Variants in ACAD9 observed in about 807,000 individuals in gnomAD.
ACAD9 encodes the protein acyl-CoA dehydrogenase family member 9.
A neutral mutation model predicts 70.2 loss-of-function variants in ACAD9; 53 were observed. The ratio of observed to expected loss-of-function variants is 0.75; its 90% CI spans 0.61 to 0.95. ACAD9 has a LOEUF of 0.95. Among genes scored for constraint, ACAD9 ranks in the 40% least tolerant of loss-of-function variants. ACAD9 has a pLI of 0.00. For missense variants in ACAD9, 777 were observed against 802.8 expected, an observed-to-expected ratio of 0.97 and a Z score of 0.39; for synonymous variants, 313 against 312.1, an observed-to-expected ratio of 1.00 and a Z score of -0.03.
In ACAD9 at chr3:128,899,284, C is replaced by T. The variant is rs187282664; in HGVS notation, c.634-3C>T. The T allele has an allele frequency of 1.2e-5, 20 of 1,614,150 alleles. No individual in the cohort carries two copies. In the East Asian group the frequency reaches 3.8e-4, roughly 31 times the overall value. On this transcript the variant is annotated splice_region_variant and splice_polypyrimidine_tract_variant and intron_variant, in intron 6 of 17. Transcript: ENST00000308982. Reference sequence around the variant, plus strand: ...TCTCCAAAGTCCATCTTTCTGTCCTCAGGTCTGGATTACTAATGGAGGACT... The same window carrying T: ...TCTCCAAAGTCCATCTTTCTGTCCTTAGGTCTGGATTACTAATGGAGGACT...
In ACAD9 at chr3:128,910,102, C is replaced by A. The variant is rs1442688871; in HGVS notation, c.1645C>A (p.Arg549=). 1 of 1,613,598 alleles carries A rather than the reference C, an allele frequency of 6.2e-7. No homozygotes were observed. Among genetic ancestry groups the A allele is most frequent in the Non-Finnish European group, 8.5e-7 (1 of 1,179,992 alleles). Residue 549 remains arginine (R), a synonymous_variant, in exon 16 of 18, where the codon CGG becomes AGG. Coordinates refer to ENST00000308982, the MANE Select transcript of ACAD9 (RefSeq NM_014049.5). ...GTATGGCATGACGGCCGTGCTGTCG[C>A]GGGCCAGCCGCTCCATCCGCATTGG... ...NLYGMTAVLS[R]ASRSIRIGLR... is the part of the protein sequence containing the mutation.
intron 9 of ACAD9, among the ~76,000 whole-genome samples, chr3:128,903,766 G>T (rs1303680672): frequency 6.6e-6 from 1 of 152,226 alleles, no homozygotes; most frequent in East Asian, 1.9e-4. Flanking sequence ...TGAGGTGGGG[G>T]TGGTGTTCAG....
intron 3 of ACAD9, among the ~76,000 whole-genome samples, chr3:128,894,018 T>C (rs1935497083): frequency 6.6e-6 from 1 of 152,188 alleles, no homozygotes; most frequent in Non-Finnish European, 1.5e-5. Context: ...TTATTAGAGT[T>C]GGCCAGTCAC....
chr3:128,893,701 A>G (rs746020054), intron 3 of ACAD9, 45 bp downstream of exon 3: 18 of 1,511,848 alleles, frequency 1.2e-5, no homozygotes, highest in Non-Finnish European at 1.6e-5. Flanking sequence ...CTCTTAAGAA[A>G]GCACTCTGTA....
intron 2 of ACAD9, among the ~76,000 whole-genome samples, chr3:128,887,498 T>TC (rs1296630790): frequency 2.6e-5 from 4 of 151,532 alleles, no homozygotes; most frequent in Non-Finnish European, 5.9e-5. Flanking sequence ...TCCCAGCTAC[T>TC]TGGGAGTCTG....
intron 12 of ACAD9, 58 bp from the exon 13 acceptor site, chr3:128,908,127 C>T (rs1935952507): frequency 1.3e-6 from 2 of 1,535,502 alleles, no homozygotes; most frequent in Non-Finnish European, 1.8e-6. Flanking sequence ...GCACACGTGG[C>T]ACTACCATGG....
intron 1 of ACAD9, among the ~76,000 whole-genome samples, chr3:128,881,832 C>T (rs1935104878): frequency 6.6e-6 from 1 of 152,198 alleles, no homozygotes; most frequent in African/African-American, 2.4e-5. Context: ...TATTCAGCTC[C>T]TTGACCGCTA....
intron 13 of ACAD9, 89 bp downstream of exon 13, chr3:128,908,353 G>A: frequency 1.4e-6 from 2 of 1,474,766 alleles, no homozygotes; most frequent in Non-Finnish European, 1.9e-6. Flanking sequence ...GAGCTGCCTT[G>A]ACCTGGAGTG....
intron 2 of ACAD9, among the ~76,000 whole-genome samples, chr3:128,885,907 T>C (rs956534681): frequency 6.6e-6 from 1 of 151,592 alleles, no homozygotes; most frequent in African/African-American, 2.4e-5. Context: ...ATCCCGGCTA[T>C]TCAGGAGGCT....
In ACAD9 at chr3:128,895,430, G is replaced by T; in HGVS notation, c.453+14G>T. The T allele has an allele frequency of 3.1e-6, 5 of 1,591,370 alleles. No homozygotes were observed. The highest frequency in any genetic ancestry group is 4.3e-6 in the Non-Finnish European group (5 of 1,168,264). ...ATTGGCCTCAAGGTCAGGTATCTGG[G>T]GATTCTGTGTGGTGCTCTCTGTAGG... On this transcript the variant is annotated intron_variant, in intron 4 of 17. Coordinates refer to ENST00000308982, the MANE Select transcript of ACAD9 (RefSeq NM_014049.5).
At position 128,899,417 on chromosome 3, in the gene ACAD9, C is replaced by G. The variant is rs559558405; in HGVS notation, c.764C>G (p.Thr255Ser). The G allele has an allele frequency of 4.3e-6, 7 of 1,614,092 alleles. No individual in the cohort carries two copies. Among genetic ancestry groups the G allele is most frequent in the Non-Finnish European group, 5.9e-6 (7 of 1,180,052 alleles). The change falls in exon 7 of 18, where the codon ACT becomes AGT. Residue 255 changes from threonine (T) to serine (S), a missense_variant. Thr to Ser is a moderately conservative substitution (Grantham distance 58). Coordinates refer to ENST00000308982, the MANE Select transcript of ACAD9 (RefSeq NM_014049.5). ...GTAGAAAGAGACTTTGGTGGAGTCA[C>G]TAATGGGAAACCCGAAGATAAATTA... ...FIVERDFGGVTNGKPEDKLGI... is the reference protein window; with the variant it reads ...FIVERDFGGVSNGKPEDKLGI...
intron 13 of ACAD9, 138 bp downstream of exon 13, chr3:128,908,402 T>C: frequency 1.9e-6 from 2 of 1,045,302 alleles, no homozygotes; most frequent in Non-Finnish European, 2.9e-6. Flanking sequence ...GGAGGGGACC[T>C]TCCCCTGTGG....
chr3:128,884,798 G>T lies in ACAD9; in HGVS notation c.244+52G>T, dbSNP rs140606723. The T allele has an allele frequency of 3.8e-6, 5 of 1,330,760 alleles. No individual in the cohort carries two copies. The South Asian group carries it at 5.9e-5, about 16-fold the overall frequency. 82.4% of individuals were successfully genotyped at this position (1,330,760 alleles called of 1,614,324 possible). A position where few individuals can be genotyped will look rare whatever the true frequency, so the allele number is the denominator to read the frequency against. ...CGATTTCCATTGTAAGGGCTATTTG[G>T]TTGATATTTATATTAGAAGTGACAT... is the stretch of plus-strand genomic sequence containing the variant. On this transcript the variant is annotated intron_variant, in intron 2 of 17. Transcript: ENST00000308982.
chr3:128,879,856 G>GGGCGAACCCTT lies in ACAD9; in HGVS notation c.150+17_150+27dup, dbSNP rs775138019. 7.4e-6 allele frequency: 12 copies of GGGCGAACCCTT among 1,613,786 alleles called. No individual in the cohort carries two copies. The highest frequency in any genetic ancestry group is 1.3e-5 in the African/African-American group (1 of 74,936). ...AAATCAAGAAGGTAACGCGAGCCCT[G>GGGCGAACCCTT]GGCGAACCCTTGCTGTCTGGCTCCC... On this transcript the variant is annotated intron_variant, in intron 1 of 17. Transcript: ENST00000308982.
intron 2 of ACAD9, among the ~76,000 whole-genome samples, chr3:128,886,134 ACT>A (rs1281364396): frequency 6.7e-6 from 1 of 149,374 alleles, no homozygotes; most frequent in Non-Finnish European, 1.5e-5. Flanking sequence ...ACAGAGTCTC[ACT>A]CTGTCACCCA....
In ACAD9 at chr3:128,899,530, G is replaced by C. The variant is rs2107654153; in HGVS notation, c.808+69G>C. 5 of 1,162,816 alleles carry C rather than the reference G, an allele frequency of 4.3e-6. No individual in the cohort carries two copies. The South Asian group carries it at 7.3e-5, about 17-fold the overall frequency. The allele number at this position is 1,162,816 out of a possible 1,614,324, so 72.0% of individuals were successfully genotyped here. A position where few individuals can be genotyped will look rare whatever the true frequency, so the allele number is the denominator to read the frequency against. ...GGGAGACTGGCCTTTGACGGTGTGT[G>C]TGTGTGTGTGTGTGTGTGTGTGTGT... On this transcript the variant is annotated intron_variant, in intron 7 of 17. Coordinates refer to ENST00000308982, the MANE Select transcript of ACAD9 (RefSeq NM_014049.5).
chr3:128,882,404 C>A (rs1035551068), intron 1 of ACAD9, among the ~76,000 whole-genome samples: 1 of 152,194 alleles, frequency 6.6e-6, no homozygotes, highest in African/African-American at 2.4e-5. Context: ...CTTCTAATTC[C>A]ACAGAAGATC....
chr3:128,880,106 GGCTAGGTAATTAACAAA>G, intron 1 of ACAD9: 1 of 1,278,878 alleles, frequency 7.8e-7, no homozygotes, highest in South Asian at 1.4e-5. Flanking sequence ...GAAAACTCTA[GGCTAGGTAATTAACAAA>G]GCAGCCTTCA....
Position 128,910,334 on chromosome 3 carries a change from CTG to C in ACAD9, c.1692+186_1692+187del, listed in dbSNP as rs1401863491. ...GGGCTGTTCCCTTTCTTCTTCCTGA[CTG>C]AGAGAAGAGGGGGTGAGTGACAGGG... On this transcript the variant is annotated intron_variant, in intron 16 of 17. Coordinates refer to ENST00000308982, the MANE Select transcript of ACAD9 (RefSeq NM_014049.5). 1.1e-5 allele frequency: 16 copies of C among 1,474,684 alleles called. No individual in the cohort carries two copies. The African/African-American group carries it at 2.0e-4, about 18-fold the overall frequency. 91.3% of individuals were successfully genotyped at this position (1,474,684 alleles called of 1,614,324 possible).
Sources: allele counts gnomAD v4.1 joint callset (sites outside exome capture counted in the v4.1 genomes callset), GRCh38; gene constraint gnomAD v4.1.1; transcripts MANE v1.5; gene names NCBI Gene and HGNC (gene_info 2026-07-23, HGNC 2026-07-21).